Variants in EHBP1 observed in about 807,000 individuals in gnomAD.
The protein encoded by EHBP1 is EH domain-binding protein 1.
EHBP1 carries 55 observed loss-of-function variants against 144.0 expected under a neutral mutation model. The ratio of observed to expected loss-of-function variants is 0.38; its 90% CI spans 0.31 to 0.48. The LOEUF is 0.48. Ranked by LOEUF, EHBP1 falls within the 20% of genes least tolerant of loss-of-function variation. EHBP1 has a pLI of 0.98. For synonymous variants in EHBP1, 469 were observed against 472.7 expected (o/e 0.99, Z 0.10); for missense variants, 1,200 against 1,364.2 (o/e 0.88, Z 1.90).
chr2:62,848,625 A>G (rs1174059584), intron 7 of EHBP1, among the ~76,000 whole-genome samples: 1 of 152,228 alleles, frequency 6.6e-6, no homozygotes, highest in Non-Finnish European at 1.5e-5. Context: ...ATGCCCTACA[A>G]CATAGATGTA....
chr2:63,042,986 C>A (rs887608854), intron 21 of EHBP1, among the ~76,000 whole-genome samples: 2 of 151,980 alleles, frequency 1.3e-5, no homozygotes, highest in African/African-American at 4.8e-5. Context: ...AGAATGATTT[C>A]TTGAGGTTGG....
intron 2 of EHBP1, among the ~76,000 whole-genome samples, chr2:62,729,951 G>A (rs1207171417): frequency 6.6e-6 from 1 of 152,030 alleles, no homozygotes. Context: ...GAGATATTGT[G>A]ATCTTAGTTC....
At chr2:62,905,164 A>T (rs959280490) in intron 10 of EHBP1, among the ~76,000 whole-genome samples, 1 of 152,172 alleles carries the variant, frequency 6.6e-6, no homozygotes, top group African/African-American at 2.4e-5. Context: ...GCAAGTGTAA[A>T]GGTCTTGTGA....
intron 2 of EHBP1, among the ~76,000 whole-genome samples, chr2:62,721,953 A>G (rs2036263046): frequency 1.3e-5 from 2 of 152,180 alleles, no homozygotes. Context: ...CACAATACAA[A>G]TAATTCACAT....
chr2:63,024,885 A>G (rs2060908764), intron 19 of EHBP1, among the ~76,000 whole-genome samples: 2 of 151,828 alleles, frequency 1.3e-5, no homozygotes, highest in South Asian at 4.2e-4. Flanking sequence ...AGTCTCAGCT[A>G]CTCAGGAGGC....
At chr2:63,028,539 A>G (rs570715614) in intron 19 of EHBP1, among the ~76,000 whole-genome samples, 4 of 151,832 alleles carry the variant, frequency 2.6e-5, no homozygotes, top group Non-Finnish European at 4.4e-5. Context: ...AGTACCTGAT[A>G]CTACAGGCAT....
chr2:62,686,300 T>C (rs778402390), intron 1 of EHBP1, among the ~76,000 whole-genome samples: 1 of 152,246 alleles, frequency 6.6e-6, no homozygotes, highest in Non-Finnish European at 1.5e-5. Flanking sequence ...GCATTTTGTC[T>C]ACTCTTTAGG....
At chr2:62,741,682 T>G (rs1244649148) in intron 2 of EHBP1, among the ~76,000 whole-genome samples, 1 of 152,120 alleles carries the variant, frequency 6.6e-6, no homozygotes, top group African/African-American at 2.4e-5. Context: ...GAGAGCTAAT[T>G]CCCGGTCTAG....
intron 19 of EHBP1, among the ~76,000 whole-genome samples, chr2:63,016,567 A>G (rs2060493366): frequency 6.6e-6 from 1 of 151,722 alleles, no homozygotes; most frequent in African/African-American, 2.4e-5. Flanking sequence ...AGTACCTGGG[A>G]TTACAGGTAC....
Position 62,874,457 on chromosome 2 carries a change from A to T in EHBP1, c.1110A>T (p.Pro370=). The part of the protein sequence containing the change: ...RRVKRKAPAP[P]VLSPKTGVLN... ...TGAAAAGAAAGGCCCCGGCTCCACCAGTCCTCTCACCAAAAACAGGAGTAT... is the reference window on the plus strand; with the variant it reads ...TGAAAAGAAAGGCCCCGGCTCCACCTGTCCTCTCACCAAAAACAGGAGTAT... Residue 370 remains proline (P), a synonymous_variant, in exon 10 of 23, where the codon CCA becomes CCT. Coordinates refer to ENST00000431489, the MANE Select transcript of EHBP1 (RefSeq NM_001142616.3). The T allele has an allele frequency of 1.2e-6, 2 of 1,613,696 alleles. No homozygotes were observed. Among genetic ancestry groups the T allele is most frequent in the Non-Finnish European group, 1.7e-6 (2 of 1,179,724 alleles).
chr2:62,829,070 C>G (rs1463142028), intron 6 of EHBP1, among the ~76,000 whole-genome samples: 1 of 151,438 alleles, frequency 6.6e-6, no homozygotes, highest in Non-Finnish European at 1.5e-5. Context: ...CATGTTCACA[C>G]TGCTGTACTC....
At chr2:62,984,649 T>G (rs977859414) in intron 15 of EHBP1, among the ~76,000 whole-genome samples, 1 of 152,232 alleles carries the variant, frequency 6.6e-6, no homozygotes, top group Non-Finnish European at 1.5e-5. Flanking sequence ...AATTCGAAGT[T>G]GATTGTAAAA....
intron 10 of EHBP1, among the ~76,000 whole-genome samples, chr2:62,902,354 A>G (rs2053478996): frequency 6.6e-6 from 1 of 152,242 alleles, no homozygotes; most frequent in African/African-American, 2.4e-5. Flanking sequence ...AAAGAAAAAA[A>G]TAACTTTCCA....
At chr2:62,778,686 CAAAT>C (rs1332364006) in intron 5 of EHBP1, among the ~76,000 whole-genome samples, 2 of 152,118 alleles carry the variant, frequency 1.3e-5, no homozygotes, top group African/African-American at 4.8e-5. Context: ...TATAATAGCT[CAAAT>C]AATACAATGT....
chr2:62,798,558 C>T (rs1056318531), intron 5 of EHBP1, among the ~76,000 whole-genome samples: 1 of 152,080 alleles, frequency 6.6e-6, no homozygotes, highest in Non-Finnish European at 1.5e-5. Context: ...CCTCAATTTA[C>T]GTATCTATAA....
At chr2:62,719,648 A>G (rs1021033064) in intron 2 of EHBP1, among the ~76,000 whole-genome samples, 1 of 152,242 alleles carries the variant, frequency 6.6e-6, no homozygotes, top group Non-Finnish European at 1.5e-5. Context: ...GAAAAACAAA[A>G]TTGTATCAAA....
intron 10 of EHBP1, among the ~76,000 whole-genome samples, chr2:62,921,304 G>A (rs1456196940): frequency 6.6e-6 from 1 of 152,038 alleles, no homozygotes; most frequent in Non-Finnish European, 1.5e-5. Flanking sequence ...AAATTTGTCA[G>A]GCATGGTGCA....
Position 62,890,844 on chromosome 2 carries a change from C to T in EHBP1, c.1185+16312C>T, listed in dbSNP as rs189123501. ...CAGAGGTTGAATTTATGTTGTCTGC[C>T]TATAGTGTAATTAATCTATAAGTCA... On this transcript the variant is annotated intron_variant, in intron 10 of 22. Transcript: ENST00000431489. 6.6e-5 allele frequency among the ~76,000 whole-genome samples: 10 copies of T among 152,252 alleles called. No individual in the cohort carries two copies. In the East Asian group the frequency reaches 1.2e-3, roughly 18 times the overall value.
upstream of EHBP1, chr2:62,705,611 C>CCCCAGCCGCTGTAAGA (rs1304778621): frequency 2.0e-5 from 3 of 152,282 alleles, no homozygotes; most frequent in African/African-American, 7.2e-5. Context: ...CAATGAGGTG[C>CCCCAGCCGCTGTAAGA]CCCAGCCGCT....
Sources: gnomAD v4.1 joint callset for allele counts (sites outside exome capture counted in the v4.1 genomes callset) on GRCh38, gnomAD v4.1.1 for gene constraint, MANE v1.5 for transcripts, NCBI Gene and HGNC (gene_info 2026-07-23, HGNC 2026-07-21) for gene names.